Variants in PGCKA1 observed in about 807,000 individuals in gnomAD.
PGCKA1 encodes the protein PDCD10 and GCKIII kinases-associated protein 1.
the PGCKA1 span, among the ~76,000 whole-genome samples, chr4:37,516,206 G>T: frequency 6.6e-6 from 1 of 152,344 alleles, no homozygotes; most frequent in South Asian, 2.1e-4. Context: ...TCTAAATCTT[G>T]TTCCTCTGAA....
the PGCKA1 span, among the ~76,000 whole-genome samples, chr4:37,548,181 A>AT: frequency 6.9e-6 from 1 of 145,254 alleles, no homozygotes; most frequent in Middle Eastern, 3.2e-3. Context: ...AAAAAAAGTT[A>AT]TAAAAAAAAG....
the PGCKA1 span, among the ~76,000 whole-genome samples, chr4:37,482,821 A>G: frequency 6.6e-6 from 1 of 152,154 alleles, no homozygotes. Flanking sequence ...CCTGTATCTC[A>G]GCTGCTTAGT....
At chr4:37,513,212 T>C in the PGCKA1 span, among the ~76,000 whole-genome samples, 6 of 152,212 alleles carry the variant, frequency 3.9e-5, no homozygotes, top group African/African-American at 1.2e-4. Flanking sequence ...GTGCTAGCAC[T>C]GATTTCAAAA....
At chr4:37,485,433 C>T in the PGCKA1 span, among the ~76,000 whole-genome samples, 10 of 152,140 alleles carry the variant, frequency 6.6e-5, no homozygotes, top group Non-Finnish European at 1.2e-4. Context: ...CCCTTCCCTT[C>T]TCTGTCACAG....
At chr4:37,590,688 T>C in the PGCKA1 span, 38 of 1,614,144 alleles carry the variant, frequency 2.4e-5, no homozygotes, top group African/African-American at 1.5e-4. Flanking sequence ...TCAAGAACCA[T>C]ACTGAGGATG....
At chr4:37,543,833 C>CAAA in the PGCKA1 span, among the ~76,000 whole-genome samples, 12 of 146,284 alleles carry the variant, frequency 8.2e-5, no homozygotes, top group African/African-American at 2.8e-4. Flanking sequence ...GACTCCGTCT[C>CAAA]AAAAAAAAAA....
At chr4:37,589,423 AG>A in the PGCKA1 span, among the ~76,000 whole-genome samples, 1 of 152,218 alleles carries the variant, frequency 6.6e-6, no homozygotes, top group African/African-American at 2.4e-5. Context: ...ATGTATTGTA[AG>A]TATCATTCCT....
At chr4:37,505,630 G>C in the PGCKA1 span, among the ~76,000 whole-genome samples, 1 of 152,182 alleles carries the variant, frequency 6.6e-6, no homozygotes, top group Non-Finnish European at 1.5e-5. Context: ...GGCAAAGAGA[G>C]AGCTTGCTCA....
chr4:37,566,124 T>C, the PGCKA1 span, among the ~76,000 whole-genome samples: 2 of 152,130 alleles, frequency 1.3e-5, no homozygotes, highest in Non-Finnish European at 2.9e-5. Flanking sequence ...TACATATATG[T>C]CTATCCTGTT....
At chr4:37,537,957 T>C in the PGCKA1 span, among the ~76,000 whole-genome samples, 3 of 152,052 alleles carry the variant, frequency 2.0e-5, no homozygotes, top group Admixed American at 6.5e-5. Context: ...ATCAAACACA[T>C]AGTGAATGCT....
the PGCKA1 span, among the ~76,000 whole-genome samples, chr4:37,483,214 T>C: frequency 1.3e-5 from 2 of 152,182 alleles, no homozygotes; most frequent in South Asian, 4.1e-4. Flanking sequence ...CAAGTTTGCT[T>C]CCCCTTCTTT....
At chr4:37,576,079 G>A in the PGCKA1 span, among the ~76,000 whole-genome samples, 1,995 of 152,150 alleles carry the variant, frequency 0.013, 106 homozygotes, top group South Asian at 0.13. Context: ...GCTAGTCTGA[G>A]TCTTTTGTGG....
the PGCKA1 span, among the ~76,000 whole-genome samples, chr4:37,457,744 T>C: frequency 6.6e-6 from 1 of 152,346 alleles, no homozygotes; most frequent in South Asian, 2.1e-4. Flanking sequence ...ATAAAAGAAG[T>C]CCACCTGCAC....
chr4:37,500,385 C>T, the PGCKA1 span, among the ~76,000 whole-genome samples: 1 of 152,164 alleles, frequency 6.6e-6, no homozygotes, highest in Non-Finnish European at 1.5e-5. Flanking sequence ...ACCCAAAAGT[C>T]CTTCAGGAGC....
chr4:37,539,524 C>T, the PGCKA1 span, among the ~76,000 whole-genome samples: 306 of 152,216 alleles, frequency 2.0e-3, 2 homozygotes, highest in African/African-American at 7.1e-3. Flanking sequence ...AGATGTGGCG[C>T]ACACCTGTAA....
At chr4:37,539,174 G>T in the PGCKA1 span, among the ~76,000 whole-genome samples, 32 of 152,276 alleles carry the variant, frequency 2.1e-4, no homozygotes, top group East Asian at 6.0e-3. Context: ...TGGGATTAAG[G>T]CCCTTGGTTT....
the PGCKA1 span, chr4:37,588,875 G>A: frequency 6.2e-7 from 1 of 1,613,410 alleles, no homozygotes; most frequent in Non-Finnish European, 8.5e-7. Context: ...CAGATGGGGT[G>A]CAGGTGCTGT....
the PGCKA1 span, among the ~76,000 whole-genome samples, chr4:37,539,844 G>A: frequency 6.6e-6 from 1 of 152,124 alleles, no homozygotes; most frequent in Non-Finnish European, 1.5e-5. Flanking sequence ...GGCCAGAGAC[G>A]TGATGCTAAG....
At chr4:37,487,817 C>T in the PGCKA1 span, among the ~76,000 whole-genome samples, 2 of 152,016 alleles carry the variant, frequency 1.3e-5, no homozygotes, top group African/African-American at 4.8e-5. Context: ...TTTACTCAGC[C>T]TGGTTTTGTG....
Sources: gnomAD v4.1 joint callset for allele counts (sites outside exome capture counted in the v4.1 genomes callset) on GRCh38, gnomAD v4.1.1 for gene constraint, MANE v1.5 for transcripts, NCBI Gene and HGNC (gene_info 2026-07-23, HGNC 2026-07-21) for gene names.